Variants in NCAPG2 observed in about 807,000 individuals in gnomAD.
The protein encoded by NCAPG2 is non-SMC condensin II complex subunit G2.
Under a neutral mutation model 141.1 loss-of-function variants are expected in NCAPG2, and 53 were observed. The ratio of observed to expected loss-of-function variants is 0.38; its 90% CI spans 0.30 to 0.47. The LOEUF is 0.47. Among genes scored for constraint, NCAPG2 ranks in the 20% least tolerant of loss-of-function variants. The probability of loss-of-function intolerance (pLI) is 0.99; values close to 1 mark genes in which losing one functional copy is unlikely to be tolerated. For synonymous variants in NCAPG2, 499 were observed against 490.7 expected, an observed-to-expected ratio of 1.02 and a Z score of -0.22; for missense variants, 1,087 against 1,389.0, an observed-to-expected ratio of 0.78 and a Z score of 3.46.
At chr7:158,645,436 A>G in intron 26 of NCAPG2, 83 bp downstream of exon 26, 2 of 1,236,214 alleles carry the variant, frequency 1.6e-6, no homozygotes. Flanking sequence ...AGCCAAGTGC[A>G]GGGGCTGATC....
chr7:158,679,821 A>C, intron 11 of NCAPG2, 139 bp downstream of exon 11: 1 of 1,117,516 alleles, frequency 8.9e-7, no homozygotes, highest in Non-Finnish European at 1.2e-6. Flanking sequence ...TCTGAAGAAC[A>C]GTCCAGGTTT....
Position 158,703,021 on chromosome 7 carries a change from A to G in NCAPG2, c.-39-1083T>C, listed in dbSNP as rs965886290. 2.6e-5 allele frequency among the ~76,000 whole-genome samples: 4 copies of G among 152,218 alleles called. 1 individual carries two copies. Among genetic ancestry groups the G allele is most frequent in the African/African-American group, 9.7e-5 (4 of 41,442 alleles). On this transcript the variant is annotated intron_variant, in intron 1 of 27. Coordinates refer to ENST00000356309, the MANE Select transcript of NCAPG2 (RefSeq NM_017760.7). Reference sequence around the variant, plus strand: ...ATGTTTAGCGATGCAAATACTTGCCATTGTATTACAGTTGCCTACAGTATT... The same window carrying G: ...ATGTTTAGCGATGCAAATACTTGCCGTTGTATTACAGTTGCCTACAGTATT...
intron 12 of NCAPG2, among the ~76,000 whole-genome samples, chr7:158,673,851 G>A (rs1265525677): frequency 6.6e-6 from 1 of 152,218 alleles, no homozygotes; most frequent in East Asian, 1.9e-4. Context: ...AAGAGGGACT[G>A]AGGTTTTACC....
intron 2 of NCAPG2, 132 bp downstream of exon 2, chr7:158,701,690 C>T: frequency 1.2e-6 from 1 of 827,832 alleles, no homozygotes; most frequent in Non-Finnish European, 1.9e-6. Flanking sequence ...GTTTTGTTTT[C>T]TTCTTTCAAA....
intron 14 of NCAPG2, 29 bp downstream of exon 14, chr7:158,664,499 A>C: frequency 6.2e-7 from 1 of 1,603,090 alleles, no homozygotes; most frequent in Non-Finnish European, 8.5e-7. Context: ...AAAACATAAC[A>C]AGAACTGAGA....
chr7:158,641,564 A>C (rs1277327233), intron 27 of NCAPG2: 2 of 622,120 alleles, frequency 3.2e-6, no homozygotes, highest in Non-Finnish European at 5.6e-6. Context: ...TCTTGGAAAA[A>C]AAAAAAAAAA....
chr7:158,677,095 T>C (rs992921713), intron 11 of NCAPG2, among the ~76,000 whole-genome samples: 3 of 151,624 alleles, frequency 2.0e-5, no homozygotes, highest in Non-Finnish European at 4.4e-5. Flanking sequence ...CCAGCAGGAG[T>C]TCAGGGGCAA....
chr7:158,691,270 C>G (rs1214785014), intron 4 of NCAPG2, among the ~76,000 whole-genome samples: 1 of 152,206 alleles, frequency 6.6e-6, no homozygotes, highest in East Asian at 1.9e-4. Context: ...CTGTAGGTAT[C>G]TGAATGTCAT....
intron 26 of NCAPG2, among the ~76,000 whole-genome samples, chr7:158,645,261 C>T (rs1460318940): frequency 2.6e-5 from 4 of 152,164 alleles, no homozygotes; most frequent in Non-Finnish European, 5.9e-5. Context: ...CTAGTGGCAA[C>T]AGGTGAAAAT....
intron 23 of NCAPG2, among the ~76,000 whole-genome samples, chr7:158,651,440 G>C (rs1282428816): frequency 2.0e-5 from 3 of 152,104 alleles, no homozygotes; most frequent in African/African-American, 2.4e-5. Context: ...AATTGAACTA[G>C]ACTAGAAAAA....
chr7:158,661,047 T>C (rs1052443700), intron 16 of NCAPG2, among the ~76,000 whole-genome samples: 1 of 152,212 alleles, frequency 6.6e-6, no homozygotes, highest in Non-Finnish European at 1.5e-5. Context: ...TCTTCATAAA[T>C]TACCCAGTCT....
rs1308065530 is a variant in NCAPG2 at position 158,633,648 on chromosome 7, C to A, written c.3381-1931G>T. Reference sequence around the variant, plus strand: ...GTGCTCTCTGTCCACAGACCAGGTTCCGCCCACCTGTCAGCCCAGCAACTG... The same window carrying A: ...GTGCTCTCTGTCCACAGACCAGGTTACGCCCACCTGTCAGCCCAGCAACTG... On this transcript the variant is annotated intron_variant, in intron 27 of 27. Transcript: ENST00000356309. The surrounding 1 kb of genome is among the most constrained non-coding windows in gnomAD (Gnocchi z 4.1). Among the ~76,000 whole-genome samples, 1 of 152,228 alleles carries A rather than the reference C, an allele frequency of 6.6e-6. No homozygotes were observed. The highest frequency in any genetic ancestry group is 1.5e-5 in the Non-Finnish European group (1 of 68,040).
intron 16 of NCAPG2, among the ~76,000 whole-genome samples, chr7:158,659,027 A>C (rs1174069972): frequency 2.6e-4 from 1 of 3,920 alleles, no homozygotes; most frequent in Admixed American, 7.9e-3. Flanking sequence ...ATTATATTTA[A>C]AAAAAAAAAA....
At chr7:158,690,496 G>T in intron 5 of NCAPG2, 72 bp downstream of exon 5, 1 of 1,451,110 alleles carries the variant, frequency 6.9e-7, no homozygotes, top group Non-Finnish European at 9.5e-7. Context: ...AGTGAGCTAT[G>T]ATCATGCCAC....
chr7:158,689,756 C>T, intron 6 of NCAPG2, 63 bp downstream of exon 6: 1 of 1,412,610 alleles, frequency 7.1e-7, no homozygotes, highest in Non-Finnish European at 9.5e-7. Context: ...ACCATGTGAA[C>T]ACAGGAGAAA....
chr7:158,654,853 T>G, intron 21 of NCAPG2, 159 bp from the exon 22 acceptor site: 1 of 1,345,718 alleles, frequency 7.4e-7, no homozygotes, highest in Non-Finnish European at 9.7e-7. Flanking sequence ...ACATTAATTC[T>G]TGTTTTTGTA....
At chr7:158,675,346 A>T (rs1172668415) in intron 12 of NCAPG2, 131 bp downstream of exon 12, 29 of 1,014,036 alleles carry the variant, frequency 2.9e-5, no homozygotes, top group Non-Finnish European at 3.8e-5. Flanking sequence ...CTTACTTTGG[A>T]TATATGACAG....
chr7:158,664,018 C>T (rs10227735), intron 15 of NCAPG2, among the ~76,000 whole-genome samples, 166 bp downstream of exon 15: 136,452 of 152,280 alleles, frequency 0.9, 61,188 homozygotes, highest in East Asian at 0.96. Flanking sequence ...CTACAAAGGA[C>T]ATATAGCAAT....
At chr7:158,667,856 GGT>G (rs1833266458) in intron 13 of NCAPG2, among the ~76,000 whole-genome samples, 1 of 24,546 alleles carries the variant, frequency 4.1e-5, no homozygotes, top group Non-Finnish European at 8.4e-5. Flanking sequence ...CCCACTACTG[GGT>G]CCCTCCGCCC....
Sources: gnomAD v4.1 joint callset for allele counts (sites outside exome capture counted in the v4.1 genomes callset) on GRCh38, gnomAD v4.1.1 for gene constraint, Gnocchi (gnomAD v3.1) non-coding constraint, MANE v1.5 for transcripts, NCBI Gene and HGNC (gene_info 2026-07-23, HGNC 2026-07-21) for gene names.